MICU1: variants seen among roughly 807,000 people sequenced by gnomAD.
MICU1 encodes the protein mitochondrial calcium uptake 1.
MICU1 carries 45 observed loss-of-function variants against 56.8 expected under a neutral mutation model. The observed-to-expected ratio is 0.79, with a 90% confidence interval of 0.62 to 1.02. The LOEUF (loss-of-function observed/expected upper bound fraction) is 1.02, where lower values mean the gene tolerates loss of function less well. Ranked by LOEUF, MICU1 falls within the 50% of genes least tolerant of loss-of-function variation. The pLI, the probability that MICU1 is intolerant of heterozygous loss-of-function variation, is 0.00. For missense variants in MICU1, 504 were observed against 587.1 expected, an observed-to-expected ratio of 0.86 and a Z score of 1.46; for synonymous variants, 186 against 195.1, an observed-to-expected ratio of 0.95 and a Z score of 0.39.
intron 1 of MICU1, among the ~76,000 whole-genome samples, chr10:72,619,793 T>C (rs2132588145): frequency 6.6e-6 from 1 of 152,244 alleles, no homozygotes; most frequent in East Asian, 1.9e-4. Flanking sequence ...GCTCACCAGT[T>C]GGGAGATGGC....
Position 72,566,753 on chromosome 10 carries a change from GC to G in MICU1, c.40del (p.Ala14LeufsTer20), listed in dbSNP as rs749124658. 6.6e-5 allele frequency: 107 copies of G among 1,612,430 alleles called. No homozygotes were observed. The highest frequency in any genetic ancestry group is 8.9e-5 in the Non-Finnish European group (105 of 1,179,346). On this transcript the variant is annotated frameshift_variant, in exon 2 of 12. Coordinates refer to ENST00000361114, the MANE Select transcript of MICU1 (RefSeq NM_001195518.2). LOFTEE classifies it high-confidence loss of function. ...TCCATGGTACCATCGAGAACCCACA[GC>G]CAGTTCTGCCAAAGCAGAAAGTGAG... ...LNSLSALAEL[A>X]VGSRWYHGGS...
chr10:72,511,517 G>A lies in MICU1; in HGVS notation c.538-3248C>T, dbSNP rs141565108. On this transcript the variant is annotated intron_variant, in intron 5 of 11. Coordinates refer to ENST00000361114, the MANE Select transcript of MICU1 (RefSeq NM_001195518.2). ...TGGCTCAAAGGGGAAATGTATAAAC[G>A]CCTATCACTATAGTTAGTAATCGTA... Among the ~76,000 whole-genome samples, 417 of 152,268 alleles carry A rather than the reference G, an allele frequency of 2.7e-3. 1 individual carries two copies. The highest frequency in any genetic ancestry group is 9.6e-3 in the African/African-American group (398 of 41,558).
chr10:72,524,800 C>A, intron 5 of MICU1: 2 of 1,102,872 alleles, frequency 1.8e-6, no homozygotes, highest in Non-Finnish European at 2.3e-6. Context: ...ATTATATGAA[C>A]AAACTAATCA....
chr10:72,471,584 GTTT>G (rs11447842), intron 8 of MICU1, among the ~76,000 whole-genome samples: 1 of 151,556 alleles, frequency 6.6e-6, no homozygotes, highest in Non-Finnish European at 1.5e-5. Context: ...TGTTTTTATT[GTTT>G]TTTTTAAATT....
rs58499998 is a variant in MICU1, at chr10:72,464,295, CAAAAAAAAA to C, written c.933+10796_933+10804del. On this transcript the variant is annotated intron_variant, in intron 8 of 11. Transcript: ENST00000361114. Reference sequence around the variant, plus strand: ...GGGGTGACAGAGTGAGATTCTGTCTCAAAAAAAAAAAAAAAAAAAAAAAAAAAGAACTGT... The same window carrying C: ...GGGGTGACAGAGTGAGATTCTGTCTCAAAAAAAAAAAAAAAAAAGAACTGT... Among the ~76,000 whole-genome samples, 75 of 99,998 alleles carry C rather than the reference CAAAAAAAAA, an allele frequency of 7.5e-4. 2 individuals carry two copies. The highest frequency in any genetic ancestry group is 1.4e-3 in the African/African-American group (31 of 22,394). The allele number at this position is 99,998 out of a possible 152,430, so 65.6% of individuals were successfully genotyped here.
intron 6 of MICU1, among the ~76,000 whole-genome samples, chr10:72,506,056 C>T (rs1867240341): frequency 6.7e-6 from 1 of 148,636 alleles, no homozygotes; most frequent in African/African-American, 2.5e-5. Context: ...ATTCTATTTT[C>T]TTCATTCCTG....
intron 1 of MICU1, among the ~76,000 whole-genome samples, chr10:72,608,123 C>T (rs1367596511): frequency 1.3e-5 from 2 of 152,020 alleles, no homozygotes; most frequent in Non-Finnish European, 2.9e-5. Flanking sequence ...AGCTGGAGTG[C>T]AGTGGTGTGA....
intron 8 of MICU1, among the ~76,000 whole-genome samples, chr10:72,470,948 A>G (rs1865932412): frequency 6.6e-6 from 1 of 152,170 alleles, no homozygotes; most frequent in South Asian, 2.1e-4. Context: ...AACAAAAGAG[A>G]GCCTTCTAGA....
intron 1 of MICU1, among the ~76,000 whole-genome samples, chr10:72,604,638 A>G (rs1333717755): frequency 6.6e-6 from 1 of 151,996 alleles, no homozygotes; most frequent in Non-Finnish European, 1.5e-5. Context: ...TTTAAAAAGA[A>G]TCTCCCTTTC....
At chr10:72,492,617 G>T (rs1161641117) in intron 6 of MICU1, among the ~76,000 whole-genome samples, 1 of 151,718 alleles carries the variant, frequency 6.6e-6, no homozygotes, top group African/African-American at 2.4e-5. Flanking sequence ...ACAAAAATTA[G>T]CTGGGTGTGG....
At chr10:72,502,663 G>A (rs983276529) in intron 6 of MICU1, among the ~76,000 whole-genome samples, 3 of 152,224 alleles carry the variant, frequency 2.0e-5, no homozygotes, top group African/African-American at 2.4e-5. Flanking sequence ...GTGCCCTCTC[G>A]CAGATGACTT....
chr10:72,563,929 T>C (rs1840360716), intron 2 of MICU1, among the ~76,000 whole-genome samples: 1 of 152,212 alleles, frequency 6.6e-6, no homozygotes, highest in Admixed American at 6.5e-5. Flanking sequence ...ATGTAAGTTT[T>C]ATGTTATGCA....
intron 7 of MICU1, among the ~76,000 whole-genome samples, chr10:72,476,046 G>A (rs574071855): frequency 1.3e-5 from 2 of 151,932 alleles, no homozygotes; most frequent in South Asian, 4.2e-4. Context: ...GGCCAAGATG[G>A]TGAAACCCCA....
chr10:72,393,760 T>TTTTGTTTG lies in MICU1; in HGVS notation c.1180+14161_1180+14168dup, dbSNP rs112773811. 4.0e-5 allele frequency among the ~76,000 whole-genome samples: 6 copies of TTTTGTTTG among 151,864 alleles called. No individual in the cohort carries two copies. In the East Asian group the frequency reaches 5.8e-4, roughly 15 times the overall value. ...ACTAAGGAATCAAGGAAAGTACCTA[T>TTTTGTTTG]TTTGTTTGTTTGTTTGTTTGTTTTG... is the stretch of plus-strand genomic sequence containing the variant. On this transcript the variant is annotated intron_variant, in intron 10 of 11. Coordinates refer to ENST00000361114, the MANE Select transcript of MICU1 (RefSeq NM_001195518.2).
chr10:72,600,599 A>G (rs1230192120), intron 1 of MICU1, among the ~76,000 whole-genome samples: 3 of 149,414 alleles, frequency 2.0e-5, no homozygotes, highest in Non-Finnish European at 4.4e-5. Context: ...CAGTGAGCCA[A>G]GATCATGCCA....
Position 72,424,091 on chromosome 10 carries a change from C to A in MICU1, c.934-720G>T, listed in dbSNP as rs187075047. Among the ~76,000 whole-genome samples, 8 of 150,490 alleles carry A rather than the reference C, an allele frequency of 5.3e-5. No homozygotes were observed. The Admixed American group carries it at 5.4e-4, about 10-fold the overall frequency. ...TATTTTAATACAATTACTTTTGTAT[C>A]AACCTATAACAGTGACCATTTCCCC... On this transcript the variant is annotated intron_variant, in intron 8 of 11. Coordinates refer to ENST00000361114, the MANE Select transcript of MICU1 (RefSeq NM_001195518.2).
At chr10:72,532,961 C>T (rs1839528209) in intron 5 of MICU1, 1 of 1,256,148 alleles carries the variant, frequency 8.0e-7, no homozygotes, top group African/African-American at 1.6e-5. Context: ...TAACCCTGAC[C>T]TCTCCCCATC....
chr10:72,375,011 A>G (rs981867993), intron 11 of MICU1, among the ~76,000 whole-genome samples: 2 of 151,650 alleles, frequency 1.3e-5, no homozygotes, highest in African/African-American at 4.8e-5. Context: ...GGGTTTCACC[A>G]TGTTGGCCAG....
At chr10:72,421,595 A>G (rs552646208) in intron 9 of MICU1, among the ~76,000 whole-genome samples, 84 of 152,138 alleles carry the variant, frequency 5.5e-4, no homozygotes, top group African/African-American at 2.0e-3. Flanking sequence ...CTTTCCTTGT[A>G]CCAGGGGCAG....
Sources: gnomAD v4.1 joint callset for allele counts (sites outside exome capture counted in the v4.1 genomes callset) on GRCh38, gnomAD v4.1.1 for gene constraint, MANE v1.5 for transcripts, NCBI Gene and HGNC (gene_info 2026-07-23, HGNC 2026-07-21) for gene names.